Variants in SMYD4 observed in about 807,000 individuals in gnomAD.
SMYD4 encodes protein-lysine N-methyltransferase SMYD4.
In SMYD4, 68 loss-of-function variants were observed where a neutral mutation model predicts 72.8. The ratio of observed to expected loss-of-function variants is 0.93; its 90% CI spans 0.77 to 1.14. The LOEUF is 1.14. Among genes scored for constraint, SMYD4 ranks in the 50% most tolerant of loss-of-function variants. The probability of loss-of-function intolerance (pLI) is 0.00; values close to 1 mark genes in which losing one functional copy is unlikely to be tolerated. For synonymous variants in SMYD4, 407 were observed against 388.6 expected (o/e 1.05, Z -0.56); for missense variants, 984 against 1,003.7 (o/e 0.98, Z 0.27).
At position 1,783,111 on chromosome 17, in the gene SMYD4, C is replaced by T. The variant is rs751878014; in HGVS notation, c.2185G>A (p.Val729Met). ...CTGGACGGCCCGTGGCGAACCTCCACCACGTAGAGACTCCTCTGTAGATGG... is the reference window on the plus strand; with the variant it reads ...CTGGACGGCCCGTGGCGAACCTCCATCACGTAGAGACTCCTCTGTAGATGG... ...ATHLQRSLYV[V>M]EVRHGPSSVE... The change falls in exon 10 of 11, where the codon GTG becomes ATG. Residue 729 changes from valine to methionine, a missense_variant. Val to Met is a conservative substitution (Grantham distance 21). Coordinates refer to ENST00000305513, the MANE Select transcript of SMYD4 (RefSeq NM_052928.3). 1.9e-6 allele frequency: 3 copies of T among 1,614,174 alleles called. No individual in the cohort carries two copies. The highest frequency in any genetic ancestry group is 1.7e-4 in the Middle Eastern group (1 of 6,060).
At chr17:1,788,910 A>G (rs368533547) in intron 5 of SMYD4, among the ~76,000 whole-genome samples, 1 of 152,242 alleles carries the variant, frequency 6.6e-6, no homozygotes, top group African/African-American at 2.4e-5. Flanking sequence ...TTGGGCACAC[A>G]GAAACGCTTA....
chr17:1,787,368 C>T (rs897657679), intron 6 of SMYD4, 54 bp downstream of exon 6: 2 of 1,546,876 alleles, frequency 1.3e-6, no homozygotes, highest in Non-Finnish European at 1.7e-6. Context: ...GACTTGCGTC[C>T]CCGTCCTTTT....
At chr17:1,798,919 GTA>G (rs1909550706) in intron 5 of SMYD4, among the ~76,000 whole-genome samples, 1 of 150,616 alleles carries the variant, frequency 6.6e-6, no homozygotes, top group Non-Finnish European at 1.5e-5. Flanking sequence ...AATAAATAAA[GTA>G]AAATAAAAAA....
At chr17:1,803,058 G>A (rs1461887785) in intron 4 of SMYD4, among the ~76,000 whole-genome samples, 1 of 152,286 alleles carries the variant, frequency 6.6e-6, no homozygotes, top group Admixed American at 6.5e-5. Context: ...CAGGAGAATC[G>A]TTGAACCCGG....
intron 7 of SMYD4, 115 bp downstream of exon 7, chr17:1,786,695 A>C: frequency 8.0e-7 from 1 of 1,246,872 alleles, no homozygotes; most frequent in Non-Finnish European, 1.1e-6. Context: ...AATGGAGGTG[A>C]TATTACTGGT....
intron 3 of SMYD4, among the ~76,000 whole-genome samples, chr17:1,809,671 G>T (rs190272059): frequency 1.5e-5 from 2 of 133,340 alleles, no homozygotes; most frequent in African/African-American, 5.7e-5. Context: ...CACCGCGCCC[G>T]GCCTATTATT....
At chr17:1,808,082 A>C (rs1910135940) in intron 3 of SMYD4, among the ~76,000 whole-genome samples, 1 of 152,188 alleles carries the variant, frequency 6.6e-6, no homozygotes, top group Non-Finnish European at 1.5e-5. Context: ...TTCAGCATCA[A>C]ATACCAAAGA....
chr17:1,815,153 T>G (rs1331142308), intron 2 of SMYD4, among the ~76,000 whole-genome samples: 2 of 151,856 alleles, frequency 1.3e-5, no homozygotes, highest in African/African-American at 4.8e-5. Context: ...AACATCTGCC[T>G]TCCGGGTTCA....
intron 7 of SMYD4, among the ~76,000 whole-genome samples, chr17:1,784,789 G>C (rs926410929): frequency 6.6e-6 from 1 of 151,118 alleles, no homozygotes; most frequent in East Asian, 2.0e-4. Flanking sequence ...TCTTTTTTTT[G>C]AGATGGAGTC....
intron 5 of SMYD4, among the ~76,000 whole-genome samples, chr17:1,788,541 C>G (rs372533255): frequency 6.6e-6 from 1 of 151,470 alleles, no homozygotes; most frequent in Admixed American, 6.6e-5. Context: ...GTCAGGAGAT[C>G]GAGACCATCC....
intron 4 of SMYD4, among the ~76,000 whole-genome samples, chr17:1,803,141 C>CA (rs1005732902): frequency 1.3e-5 from 2 of 151,596 alleles, no homozygotes; most frequent in African/African-American, 4.9e-5. Flanking sequence ...GACACTGTCT[C>CA]AAAAAAACAA....
chr17:1,821,184 T>C (rs952912898), intron 2 of SMYD4, among the ~76,000 whole-genome samples: 1 of 152,150 alleles, frequency 6.6e-6, no homozygotes, highest in African/African-American at 2.4e-5. Flanking sequence ...TAATACTCTA[T>C]TGGTTATATA....
chr17:1,785,963 A>AT (rs1567765379), intron 7 of SMYD4, among the ~76,000 whole-genome samples: 1 of 152,110 alleles, frequency 6.6e-6, no homozygotes, highest in East Asian at 1.9e-4. Context: ...TCAAAGGCCG[A>AT]TATCTATTTT....
chr17:1,802,091 A>G (rs1714801898), intron 4 of SMYD4, among the ~76,000 whole-genome samples: 1 of 152,222 alleles, frequency 6.6e-6, no homozygotes, highest in Non-Finnish European at 1.5e-5. Context: ...AGGGATAATA[A>G]TATCTCCCAG....
At chr17:1,819,977 G>A (rs1328582702) in intron 2 of SMYD4, among the ~76,000 whole-genome samples, 1 of 151,980 alleles carries the variant, frequency 6.6e-6, no homozygotes, top group Non-Finnish European at 1.5e-5. Flanking sequence ...TAGTAGAGAT[G>A]GGGTTTTGCC....
chr17:1,798,057 T>C (rs1361704472), intron 5 of SMYD4, among the ~76,000 whole-genome samples: 1 of 151,988 alleles, frequency 6.6e-6, no homozygotes, highest in Non-Finnish European at 1.5e-5. Context: ...GGGCCTCTTC[T>C]TTCTGCAGTC....
chr17:1,806,672 G>T (rs1910049680), intron 3 of SMYD4, among the ~76,000 whole-genome samples: 8 of 152,172 alleles, frequency 5.3e-5, no homozygotes, highest in Admixed American at 5.2e-4. Flanking sequence ...TGGTCAAGAA[G>T]TGGGATGATG....
Position 1,784,372 on chromosome 17 carries a change from C to T in SMYD4, c.1974G>A (p.Gln658=), listed in dbSNP as rs1052612135. Residue 658 remains glutamine, a synonymous_variant, in exon 8 of 11, where the codon CAG becomes CAA. Transcript: ENST00000305513. ...GCTTCTGGGCCACTCTGACCTGCTG[C>T]TGTAGGTCCTGTAACCGAGAGACCA... The part of the protein sequence containing the change: ...DHLVSRLQDL[Q]QQVRVAQKLL... 1 of 1,614,136 alleles carries T rather than the reference C, an allele frequency of 6.2e-7. No individual in the cohort carries two copies. The highest frequency in any genetic ancestry group is 8.5e-7 in the Non-Finnish European group (1 of 1,180,056).
chr17:1,819,389 T>C (rs1910784066), intron 2 of SMYD4, among the ~76,000 whole-genome samples: 1 of 152,068 alleles, frequency 6.6e-6, no homozygotes, highest in Non-Finnish European at 1.5e-5. Context: ...GACTACATAG[T>C]TAAATCTATA....
Sources: gnomAD v4.1 joint callset for allele counts (sites outside exome capture counted in the v4.1 genomes callset) on GRCh38, gnomAD v4.1.1 for gene constraint, MANE v1.5 for transcripts, NCBI Gene and HGNC (gene_info 2026-07-23, HGNC 2026-07-21) for gene names.